RIMKLB: variants seen among roughly 807,000 people sequenced by gnomAD.
The protein encoded by RIMKLB is ribosomal modification protein rimK like family member B.
Under a neutral mutation model 32.0 loss-of-function variants are expected in RIMKLB, and 7 were observed. The ratio of observed to expected loss-of-function variants is 0.22; its 90% CI spans 0.12 to 0.41. The LOEUF is 0.41. RIMKLB is among the 10% of genes least tolerant of loss of function. The pLI is 1.00. For missense variants in RIMKLB, 289 were observed against 498.7 expected (o/e 0.58, Z 4.00); for synonymous variants, 172 against 185.1 (o/e 0.93, Z 0.57).
Position 8,761,666 on chromosome 12 carries a change from G to T in RIMKLB, c.697+7573G>T, listed in dbSNP as rs769611167. Among the ~76,000 whole-genome samples, 3 of 152,258 alleles carry T rather than the reference G, an allele frequency of 2.0e-5. No individual in the cohort carries two copies. In the South Asian group the frequency reaches 6.2e-4, roughly 32 times the overall value. ...TGAGTTACAAGCCCTGTGTTTAAAG[G>T]TGAGTGCAGTCACCTCTCCCAGCTA... On this transcript the variant is annotated intron_variant, in intron 5 of 5. Transcript: ENST00000535829.
downstream of RIMKLB, chr12:8,779,053 T>C (rs1317622837): frequency 6.6e-6 from 1 of 152,218 alleles, no homozygotes; most frequent in Non-Finnish European, 1.5e-5. Context: ...TGGAATTTAC[T>C]TCCAGCTGCA....
intron 2 of RIMKLB, among the ~76,000 whole-genome samples, chr12:8,728,763 T>TTGTGTGTGTGTGTG (rs375795748): frequency 3.3e-5 from 5 of 149,494 alleles, no homozygotes; most frequent in African/African-American, 1.2e-4. Context: ...GCTCTGCTAA[T>TTGTGTGTGTGTGTG]TGTGTGTGTG....
upstream of RIMKLB, among the ~76,000 whole-genome samples, chr12:8,696,597 A>G (rs1309029425): frequency 6.6e-6 from 1 of 152,240 alleles, no homozygotes; most frequent in African/African-American, 2.4e-5. Context: ...ACAGCTCAGC[A>G]GATAAAGATA....
chr12:8,716,249 C>T (rs994204384), intron 2 of RIMKLB, among the ~76,000 whole-genome samples: 1 of 152,100 alleles, frequency 6.6e-6, no homozygotes, highest in African/African-American at 2.4e-5. Flanking sequence ...AACCATTGCT[C>T]TTGATATTTT....
At chr12:8,723,808 T>C (rs1945708666) in intron 2 of RIMKLB, among the ~76,000 whole-genome samples, 5 of 131,244 alleles carry the variant, frequency 3.8e-5, no homozygotes, top group African/African-American at 1.5e-4. Flanking sequence ...AGTTCCCTTT[T>C]TTTTTTTTTT....
chr12:8,738,592 T>C (rs1947225674), intron 2 of RIMKLB, among the ~76,000 whole-genome samples: 1 of 152,204 alleles, frequency 6.6e-6, no homozygotes. Flanking sequence ...CATAAGACTT[T>C]TAAATCTTTT....
At chr12:8,715,246 T>TTTTTTTTTG (rs1555153656) in intron 2 of RIMKLB, among the ~76,000 whole-genome samples, 17 of 148,342 alleles carry the variant, frequency 1.1e-4, no homozygotes, top group African/African-American at 3.3e-4. Flanking sequence ...TTTTTTTTTT[T>TTTTTTTTTG]GGAGACAGGG....
intron 5 of RIMKLB, among the ~76,000 whole-genome samples, chr12:8,760,661 T>C (rs942395957): frequency 1.4e-5 from 2 of 143,336 alleles, no homozygotes; most frequent in Admixed American, 6.9e-5. Flanking sequence ...TGGTATCTTA[T>C]TGTGGTTATT....
At chr12:8,723,317 G>A (rs1283467634) in intron 2 of RIMKLB, among the ~76,000 whole-genome samples, 1 of 152,216 alleles carries the variant, frequency 6.6e-6, no homozygotes, top group East Asian at 1.9e-4. Flanking sequence ...AAGCCAGTTG[G>A]TGGAGCAGTG....
At chr12:8,671,026 C>G in the RIMKLB span, among the ~76,000 whole-genome samples, 2 of 152,182 alleles carry the variant, frequency 1.3e-5, no homozygotes, top group African/African-American at 2.4e-5. Context: ...ACACAGGTCA[C>G]CAAGTCCCTA....
chr12:8,749,733 T>G, intron 2 of RIMKLB, 129 bp from the exon 3 acceptor site: 1 of 642,188 alleles, frequency 1.6e-6, no homozygotes, highest in South Asian at 2.2e-5. Context: ...TAGGAGTATC[T>G]CTATCCCAAT....
chr12:8,689,254 A>T (rs924010800), intron 1 of RIMKLB, among the ~76,000 whole-genome samples: 2 of 152,230 alleles, frequency 1.3e-5, no homozygotes, highest in African/African-American at 4.8e-5. Flanking sequence ...CTGGAATAAG[A>T]TATTTAACTT....
chr12:8,703,250 C>T (rs138490208), intron 1 of RIMKLB, among the ~76,000 whole-genome samples: 174 of 152,090 alleles, frequency 1.1e-3, no homozygotes, highest in Non-Finnish European at 2.1e-3. Context: ...CACCACTGCA[C>T]TCCAGCCTGG....
intron 5 of RIMKLB, among the ~76,000 whole-genome samples, chr12:8,755,744 C>G (rs746899361): frequency 6.6e-6 from 1 of 152,176 alleles, no homozygotes; most frequent in Non-Finnish European, 1.5e-5. Context: ...CACAATGGCT[C>G]ACACTGGTAA....
intron 1 of RIMKLB, chr12:8,699,876 C>T (rs762312187): frequency 1.3e-5 from 2 of 152,242 alleles, no homozygotes; most frequent in Non-Finnish European, 2.9e-5. Context: ...ACAGACAATC[C>T]TCCACTCGGT....
chr12:8,756,200 G>A (rs1378670600), intron 5 of RIMKLB, among the ~76,000 whole-genome samples: 1 of 151,464 alleles, frequency 6.6e-6, no homozygotes, highest in Non-Finnish European at 1.5e-5. Flanking sequence ...ATGCACCTGT[G>A]GTCCCAGCTG....
chr12:8,771,225 G>T (rs530821441), intron 5 of RIMKLB, among the ~76,000 whole-genome samples: 118 of 152,148 alleles, frequency 7.8e-4, no homozygotes, highest in Non-Finnish European at 1.6e-3. Flanking sequence ...AGCAAGGCCT[G>T]TATGTTCAGA....
chr12:8,713,940 A>C lies in RIMKLB; in HGVS notation c.74A>C (p.Glu25Ala). ...RRIREDYPQK[E>A]ILRALKAKCC... ...ATCAGGGAAGACTATCCTCAAAAAG[A>C]GATTTTACGAGCATTGAAGGCCAAA... The change falls in exon 2 of 6, where the codon GAG becomes GCG. Residue 25 changes from glutamate (E) to alanine (A), a missense_variant. This residue lies in a region of RIMKLB where 34 missense variants were observed against 35.3 expected (regional missense o/e 0.96). Coordinates refer to ENST00000535829, the MANE Select transcript of RIMKLB (RefSeq NM_001297776.2). 6.2e-7 allele frequency: 1 copy of C among 1,614,138 alleles called. No individual in the cohort carries two copies. The highest frequency in any genetic ancestry group is 8.5e-7 in the Non-Finnish European group (1 of 1,180,026).
At chr12:8,678,546 T>C (rs1942358511), upstream of RIMKLB, among the ~76,000 whole-genome samples, 1 of 152,032 alleles carries the variant, frequency 6.6e-6, no homozygotes, top group Non-Finnish European at 1.5e-5. Flanking sequence ...CAGGCTGGTC[T>C]CGAACTCCCG....
Sources: allele counts gnomAD v4.1 joint callset (sites outside exome capture counted in the v4.1 genomes callset), GRCh38; gene constraint gnomAD v4.1.1; regional missense constraint gnomAD v4.1.1; transcripts MANE v1.5; gene names NCBI Gene and HGNC (gene_info 2026-07-23, HGNC 2026-07-21).